The following SEC16B variants were observed in gnomAD, a reference collection of about 807,000 sequenced individuals.
SEC16B encodes protein transport protein Sec16B.
SEC16B carries 115 observed loss-of-function variants against 141.8 expected under a neutral mutation model. That is an observed-to-expected ratio of 0.81 (90% CI 0.70 to 0.95). SEC16B has a LOEUF of 0.95. SEC16B is among the 40% of genes least tolerant of loss of function. SEC16B has a pLI of 0.00. For synonymous variants in SEC16B, 493 were observed against 492.5 expected, an observed-to-expected ratio of 1.00 and a Z score of -0.01; for missense variants, 1,291 against 1,312.3, an observed-to-expected ratio of 0.98 and a Z score of 0.25.
chr1:177,941,836 C>T (rs1651297905), intron 16 of SEC16B, 64 bp downstream of exon 16: 1 of 1,563,850 alleles, frequency 6.4e-7, no homozygotes, highest in Non-Finnish European at 8.7e-7. Context: ...CTAAGCTGCT[C>T]TACGATGGCT....
In SEC16B at chr1:177,954,295, T is replaced by C; in HGVS notation, c.1447A>G (p.Ser483Gly). The C allele has an allele frequency of 1.9e-6, 3 of 1,566,234 alleles. No homozygotes were observed. The highest frequency in any genetic ancestry group is 2.6e-6 in the Non-Finnish European group (3 of 1,154,596). ...CTGACTCACCCACTCATGACCCAGC[T>C]GTAGGTCTGTGGGTCCATCTTGCTG... ...LSSKMDPQTY[S>G]WVMSGFTSTL... The change falls in exon 11 of 26, where the codon AGC (serine) becomes GGC (glycine). Residue 483 changes from serine (S) to glycine (G), a missense_variant. Physicochemically the swap from Ser to Gly is moderately conservative, Grantham distance 56 (BLOSUM62 0). Transcript: ENST00000308284.
At chr1:177,981,031 C>G (rs887337678) in intron 1 of SEC16B, among the ~76,000 whole-genome samples, 1 of 151,960 alleles carries the variant, frequency 6.6e-6, no homozygotes, top group African/African-American at 2.4e-5. Context: ...GCTTGGCACC[C>G]GGACAAGAAG....
Position 177,980,772 on chromosome 1 carries a change from AAAG to A in SEC16B, c.-59+3431_-59+3433del, listed in dbSNP as rs1234027333. Among the ~76,000 whole-genome samples, 980 of 109,088 alleles carry A rather than the reference AAAG, an allele frequency of 9.0e-3. 14 individuals carry two copies. Among genetic ancestry groups the A allele is most frequent in the African/African-American group, 0.039 (787 of 20,248 alleles). 71.6% of individuals were successfully genotyped at this position (109,088 alleles called of 152,430 possible). On this transcript the variant is annotated intron_variant and NMD_transcript_variant, in intron 1 of 24. Transcript: ENST00000528461. ...AGGTTTCTCTGCGAAAAAAAAAAAG[AAAG>A]AAAGAAAGAAAAGAAAGAAAAAAAA...
chr1:177,955,602 A>C (rs1161765879), intron 10 of SEC16B, among the ~76,000 whole-genome samples: 1 of 152,040 alleles, frequency 6.6e-6, no homozygotes, highest in Admixed American at 6.5e-5. Flanking sequence ...CCCACCTCCC[A>C]AAGTGCTGGG....
At chr1:177,949,548 G>A (rs1441972898) in intron 12 of SEC16B, among the ~76,000 whole-genome samples, 1 of 151,996 alleles carries the variant, frequency 6.6e-6, no homozygotes, top group African/African-American at 2.4e-5. Flanking sequence ...GAGAGAGAAA[G>A]CACCAACATT....
rs959905759 is a variant in SEC16B at position 177,966,122 on chromosome 1, A to G, written c.300-117T>C. The G allele has an allele frequency of 9.0e-6, 5 of 556,638 alleles. 1 individual carries two copies. Among genetic ancestry groups the G allele is most frequent in the East Asian group, 3.0e-5 (1 of 33,104 alleles). 34.5% of individuals were successfully genotyped at this position (556,638 alleles called of 1,614,324 possible). On this transcript the variant is annotated intron_variant, in intron 2 of 25. Transcript: ENST00000308284. Reference sequence around the variant, plus strand: ...GGACAGAGTTGTGACCCCAGCCTAGAATCTGCTTGAAAGCCACAGTTAATT... The same window carrying G: ...GGACAGAGTTGTGACCCCAGCCTAGGATCTGCTTGAAAGCCACAGTTAATT...
At chr1:177,952,650 G>A (rs1652284626) in intron 11 of SEC16B, among the ~76,000 whole-genome samples, 1 of 152,080 alleles carries the variant, frequency 6.6e-6, no homozygotes. Context: ...ACAATTCACT[G>A]GGCTCCATCA....
At chr1:177,982,594 T>C (rs1654464302) in intron 1 of SEC16B, among the ~76,000 whole-genome samples, 1 of 152,240 alleles carries the variant, frequency 6.6e-6, no homozygotes, top group African/African-American at 2.4e-5. Context: ...ATGAATCTCC[T>C]ACAACTTCCA....
At chr1:177,936,648 C>T (rs894907354) in intron 19 of SEC16B, among the ~76,000 whole-genome samples, 2 of 152,158 alleles carry the variant, frequency 1.3e-5, no homozygotes, top group East Asian at 1.9e-4. Context: ...GATCCTCCAC[C>T]ACTCCTCTCC....
upstream of SEC16B, among the ~76,000 whole-genome samples, chr1:177,972,851 T>C (rs1443637469): frequency 6.6e-6 from 1 of 152,166 alleles, no homozygotes; most frequent in South Asian, 2.1e-4. Flanking sequence ...TCAATGGAAT[T>C]AGTTCCCTTA....
rs200841977 is a variant in SEC16B, at chr1:177,937,392, G to A, written c.2325C>T (p.Pro775=). 12 of 1,611,454 alleles carry A rather than the reference G, an allele frequency of 7.4e-6. No individual in the cohort carries two copies. Among genetic ancestry groups the A allele is most frequent in the Non-Finnish European group, 1.0e-5 (12 of 1,178,938 alleles). The change falls in exon 19 of 26, where the codon CCC becomes CCT. Residue 775 remains proline (P), a synonymous_variant. Coordinates refer to ENST00000308284, the MANE Select transcript of SEC16B (RefSeq NM_033127.4). The part of the protein sequence containing the change: ...TCLLQPSPQQ[P]FPLQPGSYPA... ...GGTAGGAGCCCGGCTGGAGGGGAAA[G>A]GGCTGCTGTGGGCTGGGCTGGAGCA...
chr1:177,952,254 G>C (rs1652251288), intron 11 of SEC16B, among the ~76,000 whole-genome samples: 1 of 152,170 alleles, frequency 6.6e-6, no homozygotes, highest in Non-Finnish European at 1.5e-5. Flanking sequence ...GCCTAACTCT[G>C]GAATAACCAT....
intron 5 of SEC16B, among the ~76,000 whole-genome samples, chr1:177,962,643 G>A (rs924597319): frequency 2.6e-5 from 4 of 152,000 alleles, no homozygotes; most frequent in Non-Finnish European, 5.9e-5. Context: ...CTACTTGGGA[G>A]GCTGAGGTGG....
intron 1 of SEC16B, among the ~76,000 whole-genome samples, chr1:177,969,271 G>A (rs947476803): frequency 5.3e-5 from 8 of 152,196 alleles, no homozygotes; most frequent in Non-Finnish European, 1.2e-4. Context: ...GGGAGCCGAG[G>A]TCGACAGCTA....
chr1:177,958,699 T>G, intron 9 of SEC16B, 141 bp downstream of exon 9: 1 of 1,069,516 alleles, frequency 9.4e-7, no homozygotes, highest in Non-Finnish European at 1.3e-6. Flanking sequence ...CGCATTGACA[T>G]TTGAGCAATT....
At chr1:177,950,365 A>T (rs1652076875) in intron 12 of SEC16B, among the ~76,000 whole-genome samples, 1 of 152,200 alleles carries the variant, frequency 6.6e-6, no homozygotes, top group African/African-American at 2.4e-5. Flanking sequence ...ACTCAGGCTC[A>T]CATGGAAAAC....
In SEC16B at chr1:177,944,564, G is replaced by C; in HGVS notation, c.1878C>G (p.Phe626Leu). 2 of 1,613,140 alleles carry C rather than the reference G, an allele frequency of 1.2e-6. No individual in the cohort carries two copies. The highest frequency in any genetic ancestry group is 8.5e-7 in the Non-Finnish European group (1 of 1,179,278). ...LGRPKSFIPS[F>L]QVYKLLYASR... is the part of the protein sequence containing the mutation. The stretch of plus-strand genomic sequence containing the variant: ...GGCCTCATCTGGGCTCAGTTACCTG[G>C]AAAGAAGGGATGAAGGATTTGGGGC... The change falls in exon 15 of 26, where the codon TTC becomes TTG. Residue 626 changes from phenylalanine to leucine, a missense_variant. Physicochemically the swap from Phe to Leu is conservative, Grantham distance 22. Transcript: ENST00000308284.
At chr1:177,962,194 C>G (rs1437117891) in intron 5 of SEC16B, among the ~76,000 whole-genome samples, 1 of 152,062 alleles carries the variant, frequency 6.6e-6, no homozygotes, top group East Asian at 1.9e-4. Context: ...CTGCCTCAGC[C>G]TCCCAAGTAG....
At position 177,960,866 on chromosome 1, in the gene SEC16B, TC is replaced by T; in HGVS notation, c.860del (p.Gly287GlufsTer7). 6.2e-7 allele frequency: 1 copy of T among 1,602,878 alleles called. No homozygotes were observed. The highest frequency in any genetic ancestry group is 8.5e-7 in the Non-Finnish European group (1 of 1,172,830). ...IPHVPVSFGPGGQLVHVGPSS... is the reference protein window; with the variant it reads ...IPHVPVSFGPXGQLVHVGPSS... ...TGGGACCTACATGCACCAGCTGACC[TC>T]CTGGCCCGAAACTCACAGGAACATG... is the stretch of plus-strand genomic sequence containing the variant. On this transcript the variant is annotated frameshift_variant, in exon 7 of 26. Transcript: ENST00000308284. LOFTEE classifies it high-confidence loss of function.
Sources: allele counts gnomAD v4.1 joint callset (sites outside exome capture counted in the v4.1 genomes callset), GRCh38; gene constraint gnomAD v4.1.1; transcripts MANE v1.5; gene names NCBI Gene and HGNC (gene_info 2026-07-23, HGNC 2026-07-21).